PTPRA: variants seen among roughly 807,000 people sequenced by gnomAD.
PTPRA encodes protein tyrosine phosphatase receptor type A.
In PTPRA, 25 loss-of-function variants were observed where a neutral mutation model predicts 104.8. The ratio of observed to expected loss-of-function variants is 0.24; its 90% CI spans 0.17 to 0.33. The LOEUF is 0.33. PTPRA is among the 10% of genes least tolerant of loss of function. PTPRA has a pLI of 1.00. For missense variants in PTPRA, 765 were observed against 1,015.3 expected, an observed-to-expected ratio of 0.75 and a Z score of 3.35; for synonymous variants, 323 against 368.9, an observed-to-expected ratio of 0.88 and a Z score of 1.43.
intron 3 of PTPRA, among the ~76,000 whole-genome samples, chr20:2,951,647 T>C (rs1216088039): frequency 6.6e-6 from 1 of 152,184 alleles, no homozygotes; most frequent in Non-Finnish European, 1.5e-5. Context: ...TGCCCATTCC[T>C]TCCGCTGAAA....
chr20:2,990,471 A>T (rs982185667), intron 9 of PTPRA, among the ~76,000 whole-genome samples: 1 of 152,126 alleles, frequency 6.6e-6, no homozygotes, highest in Non-Finnish European at 1.5e-5. Flanking sequence ...TAATCCCAAC[A>T]CTTTGAGAGG....
intron 1 of PTPRA, among the ~76,000 whole-genome samples, chr20:2,900,144 CCT>C (rs1491207442): frequency 1.3e-4 from 19 of 146,094 alleles, no homozygotes; most frequent in African/African-American, 4.3e-4. Flanking sequence ...AAATCTGCCT[CCT>C]TTTTTTTTTT....
chr20:2,928,529 C>T (rs1295610526), intron 2 of PTPRA, among the ~76,000 whole-genome samples: 2 of 152,124 alleles, frequency 1.3e-5, no homozygotes, highest in African/African-American at 2.4e-5. Flanking sequence ...TCTGACATCC[C>T]TTGTTGTTCA....
At chr20:3,019,518 C>T (rs1365706144) in intron 13 of PTPRA, among the ~76,000 whole-genome samples, 3 of 150,934 alleles carry the variant, frequency 2.0e-5, no homozygotes, top group African/African-American at 2.4e-5. Context: ...AGACGATGGG[C>T]GGCCGGGCAG....
At chr20:3,009,875 G>C (rs1283243666) in intron 11 of PTPRA, among the ~76,000 whole-genome samples, 1 of 151,018 alleles carries the variant, frequency 6.6e-6, no homozygotes, top group African/African-American at 2.4e-5. Context: ...TCTGGAGACA[G>C]TCTCACCCCG....
At chr20:3,032,629 G>A (rs1041142392) in intron 20 of PTPRA, among the ~76,000 whole-genome samples, 5 of 151,798 alleles carry the variant, frequency 3.3e-5, no homozygotes, top group South Asian at 2.1e-4. Flanking sequence ...AGCTGGGCGC[G>A]ATGGTGCATG....
At chr20:2,964,442 G>T in intron 4 of PTPRA, 92 bp downstream of exon 4, 1 of 1,099,874 alleles carries the variant, frequency 9.1e-7, no homozygotes, top group Non-Finnish European at 1.3e-6. Flanking sequence ...GGTATTTGAA[G>T]AAAGGAATAT....
At chr20:3,029,121 T>TG (rs2065290362) in intron 20 of PTPRA, among the ~76,000 whole-genome samples, 1 of 135,062 alleles carries the variant, frequency 7.4e-6, no homozygotes, top group Admixed American at 7.8e-5. Flanking sequence ...TCAGGATTTT[T>TG]TTTTTTTTTT....
chr20:2,882,219 C>T (rs577951170), intron 1 of PTPRA, among the ~76,000 whole-genome samples: 131 of 151,986 alleles, frequency 8.6e-4, no homozygotes, highest in African/African-American at 2.7e-3. Flanking sequence ...GTTTGGTATA[C>T]GGTTATAAAA....
chr20:3,025,489 G>A (rs188326827), intron 17 of PTPRA, among the ~76,000 whole-genome samples: 19 of 149,884 alleles, frequency 1.3e-4, no homozygotes, highest in Non-Finnish European at 2.4e-4. Flanking sequence ...CTCAGAAGCA[G>A]GAGATTCTGG....
chr20:2,925,878 T>G (rs2060276587), intron 2 of PTPRA, among the ~76,000 whole-genome samples: 1 of 152,092 alleles, frequency 6.6e-6, no homozygotes, highest in African/African-American at 2.4e-5. Context: ...TTCGAGTCCC[T>G]GCTTTTAGTT....
chr20:2,979,804 A>C (rs1175752856), intron 6 of PTPRA, among the ~76,000 whole-genome samples: 1 of 152,216 alleles, frequency 6.6e-6, no homozygotes, highest in Non-Finnish European at 1.5e-5. Flanking sequence ...CTGGCCTCCC[A>C]AAGTGTTGGG....
At chr20:2,914,327 C>A (rs2059820451) in intron 1 of PTPRA, among the ~76,000 whole-genome samples, 1 of 152,138 alleles carries the variant, frequency 6.6e-6, no homozygotes, top group Non-Finnish European at 1.5e-5. Context: ...TGGCATTGTT[C>A]CACTGAGGTG....
chr20:2,899,971 G>A (rs1174600012), intron 1 of PTPRA, among the ~76,000 whole-genome samples: 7 of 152,078 alleles, frequency 4.6e-5, no homozygotes, highest in African/African-American at 7.2e-5. Flanking sequence ...GCCAGGTGTT[G>A]TAGTAGTGGT....
chr20:2,964,132 T>G (rs1454419069), intron 3 of PTPRA, 140 bp from the exon 4 acceptor site: 2 of 675,948 alleles, frequency 3.0e-6, no homozygotes, highest in Non-Finnish European at 5.1e-6. Context: ...TGAGGAAGCA[T>G]GCATATCAGG....
At chr20:2,973,731 G>A (rs149429703) in intron 5 of PTPRA, among the ~76,000 whole-genome samples, 424 of 152,206 alleles carry the variant, frequency 2.8e-3, no homozygotes, top group Non-Finnish European at 3.3e-3. Flanking sequence ...CTCACATCCC[G>A]TTGGCTAGAA....
In PTPRA at chr20:2,950,862, C is replaced by T. The variant is rs2061330483; in HGVS notation, c.-7+2838C>T. ...AGTGTAAAATTTATTACATTTTGAT[C>T]CATGTATATAGCAGGGAAATATCAC... On this transcript the variant is annotated intron_variant, in intron 3 of 23. Coordinates refer to ENST00000399903, the MANE Select transcript of PTPRA (RefSeq NM_001385305.1). This position sits in a 1 kb window ranked among gnomAD's most constrained non-coding sequence, Gnocchi z 4.0. Among the ~76,000 whole-genome samples the T allele has an allele frequency of 6.6e-6, 1 of 151,932 alleles. No individual in the cohort carries two copies. The highest frequency in any genetic ancestry group is 1.5e-5 in the Non-Finnish European group (1 of 67,992).
chr20:2,991,600 A>AGGG, intron 9 of PTPRA, among the ~76,000 whole-genome samples: 1 of 152,330 alleles, frequency 6.6e-6, no homozygotes, highest in South Asian at 2.1e-4. Context: ...TGGAGGTAAT[A>AGGG]TTCCCTGAGA....
intron 9 of PTPRA, among the ~76,000 whole-genome samples, chr20:2,989,878 A>G (rs370517572): frequency 2.3e-3 from 346 of 152,070 alleles, no homozygotes; most frequent in Middle Eastern, 6.8e-3. Flanking sequence ...TTAGCTGGGC[A>G]TGGTGGTGGG....
Sources: allele counts gnomAD v4.1 joint callset (sites outside exome capture counted in the v4.1 genomes callset), GRCh38; gene constraint gnomAD v4.1.1; non-coding constraint Gnocchi (gnomAD v3.1); transcripts MANE v1.5; gene names NCBI Gene and HGNC (gene_info 2026-07-23, HGNC 2026-07-21).